Variants in DNAH12 observed in about 807,000 individuals in gnomAD.
DNAH12 encodes dynein axonemal heavy chain 12, also known as axonemal beta dynein heavy chain 12.
DNAH12 carries 285 observed loss-of-function variants against 371.5 expected under a neutral mutation model. That is an observed-to-expected ratio of 0.77 (90% CI 0.70 to 0.85). The LOEUF (loss-of-function observed/expected upper bound fraction) is 0.85. Among genes scored for constraint, DNAH12 ranks in the 40% least tolerant of loss-of-function variants. DNAH12 has a pLI of 0.00. For missense variants in DNAH12, 3,611 were observed against 3,689.4 expected (o/e 0.98, Z 0.55); for synonymous variants, 1,200 against 1,213.0 (o/e 0.99, Z 0.22).
chr3:57,366,378 C>G (rs2063052849), intron 57 of DNAH12, among the ~76,000 whole-genome samples: 1 of 152,132 alleles, frequency 6.6e-6, no homozygotes, highest in Non-Finnish European at 1.5e-5. Context: ...AGCAGCCATT[C>G]TTTTATTCCT....
intron 60 of DNAH12, among the ~76,000 whole-genome samples, chr3:57,349,731 T>C (rs1325762447): frequency 3.3e-5 from 5 of 152,176 alleles, no homozygotes; most frequent in Non-Finnish European, 7.4e-5. Flanking sequence ...ACTCTGTAGC[T>C]CAAGCTGGAA....
chr3:57,300,466 G>T (rs2061322326), intron 70 of DNAH12, among the ~76,000 whole-genome samples: 1 of 152,022 alleles, frequency 6.6e-6, no homozygotes, highest in East Asian at 1.9e-4. Flanking sequence ...TACATGAAAA[G>T]CTCCTATCAA....
At chr3:57,500,399 C>T (rs904707173) in intron 11 of DNAH12, among the ~76,000 whole-genome samples, 2 of 152,196 alleles carry the variant, frequency 1.3e-5, no homozygotes, top group South Asian at 4.1e-4. Context: ...GAAAAACCTT[C>T]AGAACAAAGT....
At chr3:57,442,431 T>C (rs975996582) in intron 29 of DNAH12, among the ~76,000 whole-genome samples, 7 of 152,226 alleles carry the variant, frequency 4.6e-5, no homozygotes, top group African/African-American at 9.6e-5. Context: ...AAGGTGCTTA[T>C]ATTTTTTGTC....
At chr3:57,473,703 A>C (rs1183726112) in intron 13 of DNAH12, among the ~76,000 whole-genome samples, 1 of 79,720 alleles carries the variant, frequency 1.3e-5, no homozygotes, top group Non-Finnish European at 2.8e-5. Context: ...ATATACATAC[A>C]TCTATATATA....
At chr3:57,423,057 G>A (rs6778114) in intron 35 of DNAH12, among the ~76,000 whole-genome samples, 12,510 of 152,170 alleles carry the variant, frequency 0.082, 1,744 homozygotes, top group African/African-American at 0.28. Flanking sequence ...TGCCTTCAGT[G>A]TGGCTGGGGG....
intron 37 of DNAH12, among the ~76,000 whole-genome samples, chr3:57,418,681 G>GT (rs1189356562): frequency 1.4e-4 from 22 of 151,776 alleles, no homozygotes; most frequent in African/African-American, 4.6e-4. Context: ...TATTTTTCCT[G>GT]TTTTTTTGTT....
intron 60 of DNAH12, among the ~76,000 whole-genome samples, chr3:57,342,651 C>CAAAAAAA (rs71088061): frequency 2.9e-5 from 1 of 35,072 alleles, no homozygotes; most frequent in Non-Finnish European, 4.8e-5. Context: ...GACTGAGACT[C>CAAAAAAA]AAAAAAAAAA....
intron 11 of DNAH12, among the ~76,000 whole-genome samples, chr3:57,499,647 A>AATATATATAT (rs1176721728): frequency 3.3e-4 from 6 of 17,948 alleles, no homozygotes; most frequent in African/African-American, 6.2e-4. Context: ...AAAAAAAAAA[A>AATATATATAT]ATATATATAT....
intron 12 of DNAH12, among the ~76,000 whole-genome samples, chr3:57,484,815 T>G (rs2066869910): frequency 6.6e-6 from 1 of 152,020 alleles, no homozygotes; most frequent in Non-Finnish European, 1.5e-5. Context: ...GTATCCAGAA[T>G]CTACAATGAA....
chr3:57,311,491 C>A (rs1575433921), intron 66 of DNAH12, among the ~76,000 whole-genome samples: 1 of 152,120 alleles, frequency 6.6e-6, no homozygotes, highest in East Asian at 1.9e-4. Flanking sequence ...TGGAAATTAC[C>A]AAGTATTTTT....
chr3:57,519,884 A>G, intron 4 of DNAH12: 1 of 933,938 alleles, frequency 1.1e-6, no homozygotes, highest in Non-Finnish European at 1.8e-6. Flanking sequence ...TCCACGGCCC[A>G]GCTCCACATG....
intron 60 of DNAH12, among the ~76,000 whole-genome samples, chr3:57,348,025 A>G (rs1392420894): frequency 1.3e-5 from 2 of 152,206 alleles, no homozygotes; most frequent in South Asian, 2.1e-4. Context: ...GTACTTACCC[A>G]AAGGAGTTGA....
chr3:57,405,837 G>A lies in DNAH12; in HGVS notation c.6392C>T (p.Ala2131Val). 6.4e-7 allele frequency: 1 copy of A among 1,551,692 alleles called. No homozygotes were observed. Among genetic ancestry groups the A allele is most frequent in the Non-Finnish European group, 8.7e-7 (1 of 1,146,994 alleles). Residue 2131 changes from alanine (A) to valine (V), a missense_variant, in exon 41 of 74, where the codon GCC becomes GTC. Physicochemically the swap from Ala to Val is moderately conservative, Grantham distance 64 (BLOSUM62 0). Transcript: ENST00000495027. ...GATCATAGTGTGTTTGTTCGCCACG[G>A]CGTCTCTTTCAATGAGTAAACAGCC... is the stretch of plus-strand genomic sequence containing the variant. ...IRGCLLIERDAVANKHTMIRL... is the reference protein window; with the variant it reads ...IRGCLLIERDVVANKHTMIRL...
intron 32 of DNAH12, among the ~76,000 whole-genome samples, chr3:57,430,556 T>A (rs1486529240): frequency 6.6e-6 from 1 of 152,214 alleles, no homozygotes; most frequent in Admixed American, 6.5e-5. Context: ...ACTGAATTTA[T>A]CAACTGCTTC....
At position 57,342,484 on chromosome 3, in the gene DNAH12, CAAAAAAA is replaced by C. The variant is rs71088060; in HGVS notation, c.9675-7551_9675-7545del. ...TGAAACCCTATCTCTACTAAAAATA[CAAAAAAA>C]AAAAAAAAAAAAAAAAATTAGCCGG... On this transcript the variant is annotated intron_variant, in intron 60 of 73. Coordinates refer to ENST00000495027, the MANE Select transcript of DNAH12 (RefSeq NM_001366028.2). Among the ~76,000 whole-genome samples the C allele has an allele frequency of 9.2e-4, 61 of 66,052 alleles. No homozygotes were observed. The South Asian group carries it at 0.021, about 22-fold the overall frequency. The allele number at this position is 66,052 out of a possible 152,430, so 43.3% of individuals were successfully genotyped here.
chr3:57,459,460 A>G (rs1396423193), intron 20 of DNAH12, 132 bp downstream of exon 20: 6 of 851,826 alleles, frequency 7.0e-6, no homozygotes, highest in Non-Finnish European at 1.6e-6. Flanking sequence ...GCTTTCTTAT[A>G]TTTTTCTGAA....
chr3:57,352,038 G>A, intron 60 of DNAH12, 47 bp downstream of exon 60: 1 of 1,464,538 alleles, frequency 6.8e-7, no homozygotes, highest in Non-Finnish European at 9.0e-7. Flanking sequence ...TGATTTTCCA[G>A]GGAGGTTTTA....
Position 57,296,380 on chromosome 3 carries a change from C to T in DNAH12, c.11588G>A (p.Gly3863Glu). The T allele has an allele frequency of 6.4e-7, 1 of 1,550,770 alleles. No individual in the cohort carries two copies. The highest frequency in any genetic ancestry group is 1.4e-5 in the African/African-American group (1 of 73,032). The change falls in exon 72 of 74, where the codon GGA becomes GAA. Residue 3863 changes from glycine (G) to glutamate (E), a missense_variant. Gly to Glu is a moderately conservative substitution (Grantham distance 98, BLOSUM62 -2). Transcript: ENST00000495027. ...TSPEDGVYIH[G>E]LYLDGARWDR... Reference sequence around the variant, plus strand: ...CCAGCGTGCGCCATCGAGATACAGTCCGTGGATATAAACACCATCTTCTGG... The same window carrying T: ...CCAGCGTGCGCCATCGAGATACAGTTCGTGGATATAAACACCATCTTCTGG...
Sources: allele counts gnomAD v4.1 joint callset (sites outside exome capture counted in the v4.1 genomes callset), GRCh38; gene constraint gnomAD v4.1.1; transcripts MANE v1.5; gene names NCBI Gene and HGNC (gene_info 2026-07-23, HGNC 2026-07-21).